The following TACC2 variants were observed in gnomAD, a reference collection of about 807,000 sequenced individuals.
The protein encoded by TACC2 is transforming acidic coiled-coil containing protein 2, also known as transforming acidic coiled-coil-containing protein 2.
In TACC2, 137 loss-of-function variants were observed where a neutral mutation model predicts 227.3. The ratio of observed to expected loss-of-function variants is 0.60; its 90% CI spans 0.52 to 0.69. The LOEUF (loss-of-function observed/expected upper bound fraction) is 0.69. Ranked by LOEUF, TACC2 falls within the 30% of genes least tolerant of loss-of-function variation. The pLI is 0.00. For missense variants in TACC2, 3,470 were observed against 3,694.4 expected (o/e 0.94, Z 1.57); for synonymous variants, 1,523 against 1,487.5 (o/e 1.02, Z -0.55).
intron 15 of TACC2, 44 bp downstream of exon 15, chr10:122,229,530 C>T: frequency 6.2e-7 from 1 of 1,610,790 alleles, no homozygotes; most frequent in Non-Finnish European, 8.5e-7. Context: ...GTCAAAACCT[C>T]AGTAGAGAAT....
At chr10:122,168,791 C>T (rs2093329298) in intron 7 of TACC2, among the ~76,000 whole-genome samples, 1 of 152,228 alleles carries the variant, frequency 6.6e-6, no homozygotes, top group African/African-American at 2.4e-5. Flanking sequence ...CCACTGTCTA[C>T]AGCCTGTTTC....
At chr10:122,029,798 T>C (rs2135754019) in intron 2 of TACC2, among the ~76,000 whole-genome samples, 1 of 152,122 alleles carries the variant, frequency 6.6e-6, no homozygotes, top group South Asian at 2.1e-4. Context: ...GTCCTGCTCA[T>C]TAACAAACCA....
At chr10:122,097,452 C>G (rs942040630) in intron 5 of TACC2, among the ~76,000 whole-genome samples, 1 of 151,892 alleles carries the variant, frequency 6.6e-6, no homozygotes, top group African/African-American at 2.4e-5. Flanking sequence ...GGGCAGGGTG[C>G]GCCTAGCAAG....
At chr10:122,185,028 T>C (rs1450720052) in intron 7 of TACC2, among the ~76,000 whole-genome samples, 3 of 146,246 alleles carry the variant, frequency 2.1e-5, no homozygotes, top group Non-Finnish European at 4.5e-5. Context: ...ATTCTTTTTT[T>C]TTTTTTTTTT....
intron 5 of TACC2, among the ~76,000 whole-genome samples, chr10:122,095,314 C>T (rs1328516871): frequency 6.6e-6 from 1 of 152,216 alleles, no homozygotes; most frequent in African/African-American, 2.4e-5. Context: ...CAGGTTCTAG[C>T]TCTGTGATCC....
chr10:122,175,669 G>T (rs538160678), intron 7 of TACC2, among the ~76,000 whole-genome samples: 23 of 152,360 alleles, frequency 1.5e-4, no homozygotes, highest in Admixed American at 1.2e-3. Flanking sequence ...GTGTAGGGGT[G>T]ACCAGGTACG....
intron 3 of TACC2, among the ~76,000 whole-genome samples, chr10:122,074,102 A>G (rs1280780191): frequency 2.4e-5 from 3 of 122,598 alleles, no homozygotes; most frequent in Non-Finnish European, 3.2e-5. Context: ...TTTTTTTGAG[A>G]CGGAGTATCG....
chr10:122,166,498 T>G (rs542163634), intron 7 of TACC2, among the ~76,000 whole-genome samples: 2 of 152,154 alleles, frequency 1.3e-5, no homozygotes, highest in African/African-American at 4.8e-5. Context: ...GGACTGGGGA[T>G]TGAAGCCTGA....
chr10:122,177,087 C>T (rs1668707696), intron 7 of TACC2, among the ~76,000 whole-genome samples: 3 of 152,154 alleles, frequency 2.0e-5, no homozygotes, highest in Admixed American at 2.0e-4. Flanking sequence ...TGATGGATAT[C>T]ATTGTGTTTT....
At chr10:122,061,048 A>G (rs979052106) in intron 3 of TACC2, among the ~76,000 whole-genome samples, 20 of 145,324 alleles carry the variant, frequency 1.4e-4, no homozygotes, top group Admixed American at 5.5e-4. Context: ...GGTGGCTCAC[A>G]CCTGTAATCC....
At chr10:122,071,713 A>G (rs2078076931) in intron 3 of TACC2, among the ~76,000 whole-genome samples, 1 of 59,156 alleles carries the variant, frequency 1.7e-5, no homozygotes, top group African/African-American at 5.5e-5. Context: ...GTCTCTACTA[A>G]AAATACAAAA....
chr10:122,082,586 C>T, intron 3 of TACC2, 61 bp from the exon 4 acceptor site: 1 of 1,538,796 alleles, frequency 6.5e-7, no homozygotes, highest in Non-Finnish European at 8.8e-7. Flanking sequence ...GGGTGACCTG[C>T]CTGCAGTGTG....
At chr10:122,158,426 CA>C (rs1285827770) in intron 7 of TACC2, among the ~76,000 whole-genome samples, 1 of 151,918 alleles carries the variant, frequency 6.6e-6, no homozygotes, top group Non-Finnish European at 1.5e-5. Flanking sequence ...AAAGAAAACC[CA>C]AAAAACAAAA....
chr10:122,189,780 A>G (rs2094345209), intron 7 of TACC2, among the ~76,000 whole-genome samples: 6 of 152,222 alleles, frequency 3.9e-5, no homozygotes, highest in Admixed American at 3.9e-4. Flanking sequence ...TGTTGTATTT[A>G]GAGCAAAGGC....
intron 18 of TACC2, among the ~76,000 whole-genome samples, chr10:122,238,333 C>T: frequency 6.6e-6 from 1 of 152,232 alleles, no homozygotes; most frequent in East Asian, 1.9e-4. Context: ...CTGGTGGATC[C>T]TTCCAAGAAT....
At chr10:122,193,777 C>T (rs548433661) in intron 7 of TACC2, among the ~76,000 whole-genome samples, 12 of 152,202 alleles carry the variant, frequency 7.9e-5, no homozygotes, top group Non-Finnish European at 1.5e-4. Context: ...AGGCTGGGCT[C>T]AGGACCGTGG....
chr10:122,098,932 T>TG (rs2081813770), intron 5 of TACC2, among the ~76,000 whole-genome samples: 1 of 152,188 alleles, frequency 6.6e-6, no homozygotes, highest in Non-Finnish European at 1.5e-5. Context: ...CTGGCACCCG[T>TG]GGGGAATGCA....
chr10:122,148,346 C>T (rs1265630730), intron 7 of TACC2, among the ~76,000 whole-genome samples: 7 of 152,178 alleles, frequency 4.6e-5, no homozygotes, highest in East Asian at 1.9e-4. Flanking sequence ...TCAGGTGATC[C>T]GACCGCCTCA....
intron 5 of TACC2, among the ~76,000 whole-genome samples, chr10:122,120,624 C>T (rs1383464898): frequency 6.6e-6 from 1 of 152,166 alleles, no homozygotes; most frequent in Non-Finnish European, 1.5e-5. Context: ...AGCTCAGCCT[C>T]GTGCGGCCTT....
Sources: gnomAD v4.1 joint callset for allele counts (sites outside exome capture counted in the v4.1 genomes callset) on GRCh38, gnomAD v4.1.1 for gene constraint, MANE v1.5 for transcripts, NCBI Gene and HGNC (gene_info 2026-07-23, HGNC 2026-07-21) for gene names.